TCF4: variants seen among roughly 807,000 people sequenced by gnomAD.
TCF4 encodes the protein SL3-3 enhancer factor 2.
Under a neutral mutation model 82.1 loss-of-function variants are expected in TCF4, and 3 were observed. The observed-to-expected ratio is 0.04, with a 90% CI of 0.02 to 0.09. The LOEUF (loss-of-function observed/expected upper bound fraction) is 0.09, where lower values mean the gene tolerates loss of function less well. Among genes scored for constraint, TCF4 ranks in the 10% least tolerant of loss-of-function variants. TCF4 has a pLI of 1.00. For synonymous variants in TCF4, 276 were observed against 309.6 expected, an observed-to-expected ratio of 0.89 and a Z score of 1.14; for missense variants, 518 against 852.7, an observed-to-expected ratio of 0.61 and a Z score of 4.89.
At chr18:55,378,080 T>TA (rs914473606) in intron 6 of TCF4, among the ~76,000 whole-genome samples, 7 of 151,866 alleles carry the variant, frequency 4.6e-5, no homozygotes, top group South Asian at 2.1e-4. Context: ...TTTGAAAACT[T>TA]AAAAAAAATA....
At chr18:55,356,373 G>A (rs2083520787) in intron 6 of TCF4, among the ~76,000 whole-genome samples, 1 of 152,268 alleles carries the variant, frequency 6.6e-6, no homozygotes, top group East Asian at 1.9e-4. Flanking sequence ...AACAAGAAAT[G>A]ACTAGGTTTT....
rs1401288930 is a variant in TCF4 at position 55,226,093 on chromosome 18, A to C, written c.*1942T>G. The C allele has an allele frequency of 6.6e-6, 1 of 152,616 alleles. No homozygotes were observed. Among genetic ancestry groups the C allele is most frequent in the Non-Finnish European group, 1.5e-5 (1 of 68,000 alleles). 9.5% of individuals were successfully genotyped at this position (152,616 alleles called of 1,614,324 possible). On this transcript the variant is annotated 3_prime_UTR_variant, in exon 20 of 20. Coordinates refer to ENST00000354452, the MANE Select transcript of TCF4 (RefSeq NM_001083962.2). ...ACAAGAGTCTACATGTAAAAATATA[A>C]CTTTTACATACACAATTTCAAAATA...
chr18:55,305,445 T>C (rs944152169), intron 8 of TCF4, among the ~76,000 whole-genome samples: 3 of 152,198 alleles, frequency 2.0e-5, no homozygotes, highest in Non-Finnish European at 4.4e-5. Context: ...GAAATCACTA[T>C]GAACTAAGCA....
At chr18:55,359,327 T>G (rs891839287) in intron 6 of TCF4, among the ~76,000 whole-genome samples, 6 of 152,230 alleles carry the variant, frequency 3.9e-5, no homozygotes. Flanking sequence ...CTTCTTTCAT[T>G]TCAGTCCTCT....
At chr18:55,489,067 C>T (rs919016563) in intron 3 of TCF4, among the ~76,000 whole-genome samples, 12 of 152,128 alleles carry the variant, frequency 7.9e-5, no homozygotes, top group African/African-American at 2.9e-4. Flanking sequence ...TCCAGGGCCA[C>T]CACTCCCAGT....
rs200889338 is a variant in TCF4 at position 55,350,907 on chromosome 18, G to T, written c.466C>A (p.Pro156Thr). Residue 156 changes from proline (P) to threonine (T), a missense_variant, in exon 7 of 20, where the codon CCC (proline) becomes ACC (threonine). This residue lies in a region of TCF4 where 211 missense variants were observed against 327.4 expected (regional missense o/e 0.64). Coordinates refer to ENST00000354452, the MANE Select transcript of TCF4 (RefSeq NM_001083962.2). ...CTACTGTGAAGAGGCCTCCTTCGGG[G>T]ATTATTGCTAGAATACTGATAGTAC... is the stretch of plus-strand genomic sequence containing the variant. The part of the protein sequence containing the change: ...SQYYQYSSNN[P>T]RRRPLHSSAM... The T allele has an allele frequency of 1.3e-5, 21 of 1,613,622 alleles. No homozygotes were observed. The highest frequency in any genetic ancestry group is 6.7e-5 in the Admixed American group (4 of 59,994).
chr18:55,485,546 T>G (rs1003642287), intron 3 of TCF4, among the ~76,000 whole-genome samples: 3 of 152,214 alleles, frequency 2.0e-5, no homozygotes, highest in Non-Finnish European at 4.4e-5. Flanking sequence ...GATCTGTGCA[T>G]GCATCTTTGC....
At chr18:55,479,599 A>G (rs1479382910) in intron 3 of TCF4, among the ~76,000 whole-genome samples, 3 of 152,086 alleles carry the variant, frequency 2.0e-5, no homozygotes. Context: ...TTCCCATGTA[A>G]TCGTCTATGC....
intron 5 of TCF4, among the ~76,000 whole-genome samples, chr18:55,421,063 C>T (rs1334633459): frequency 2.0e-5 from 3 of 150,040 alleles, no homozygotes; most frequent in Non-Finnish European, 4.4e-5. Flanking sequence ...TTTGCCCACA[C>T]AAAAAAAGAA....
At chr18:55,318,452 T>C (rs1297143719) in intron 8 of TCF4, among the ~76,000 whole-genome samples, 2 of 152,140 alleles carry the variant, frequency 1.3e-5, no homozygotes, top group Non-Finnish European at 2.9e-5. Context: ...TTAATTTTTT[T>C]TAAGCTTAGA....
chr18:55,494,975 A>G (rs1015828868), intron 3 of TCF4, among the ~76,000 whole-genome samples: 187 of 151,756 alleles, frequency 1.2e-3, no homozygotes, highest in African/African-American at 3.2e-3. Flanking sequence ...TAAAAAAAAA[A>G]AAAAAGAAAT....
chr18:55,339,043 T>C lies in TCF4; in HGVS notation c.549+11316A>G, dbSNP rs564327027. Among the ~76,000 whole-genome samples the C allele has an allele frequency of 5.9e-5, 9 of 152,300 alleles. No homozygotes were observed. The South Asian group carries it at 1.7e-3, about 28-fold the overall frequency. ...TTTACTGTCACAGGAAGCACATGTTTAAAGCAATCTGTTTCCTCATGTGAA... is the reference window on the plus strand; with the variant it reads ...TTTACTGTCACAGGAAGCACATGTTCAAAGCAATCTGTTTCCTCATGTGAA... On this transcript the variant is annotated intron_variant, in intron 8 of 19. Coordinates refer to ENST00000354452, the MANE Select transcript of TCF4 (RefSeq NM_001083962.2).
intron 9 of TCF4, 133 bp downstream of exon 9, chr18:55,279,418 T>C: frequency 2.2e-6 from 3 of 1,355,248 alleles, no homozygotes; most frequent in Non-Finnish European, 1.0e-6. Flanking sequence ...AGGAATTCAA[T>C]TCCTAAGAAG....
intron 8 of TCF4, among the ~76,000 whole-genome samples, chr18:55,303,837 C>T (rs1418350480): frequency 2.6e-5 from 4 of 152,160 alleles, no homozygotes; most frequent in Non-Finnish European, 5.9e-5. Context: ...AACACCATCA[C>T]TGATTTAAAA....
intron 2 of TCF4, among the ~76,000 whole-genome samples, chr18:55,594,503 G>A (rs1243157124): frequency 1.3e-5 from 2 of 152,158 alleles, no homozygotes; most frequent in East Asian, 3.9e-4. Flanking sequence ...GAATCTGTCT[G>A]TACCCTCAAG....
Position 55,225,117 on chromosome 18 carries a change from T to G in TCF4, c.*2918A>C, listed in dbSNP as rs1256019327. The G allele has an allele frequency of 6.6e-6, 1 of 152,218 alleles. No homozygotes were observed. Among genetic ancestry groups the G allele is most frequent in the African/African-American group, 2.4e-5 (1 of 41,446 alleles). The allele number at this position is 152,218 out of a possible 1,614,324, so 9.4% of individuals were successfully genotyped here. On this transcript the variant is annotated 3_prime_UTR_variant, in exon 20 of 20. Transcript: ENST00000354452. ...TAATGGGGATACAACCCAATTAATATGGATAGGTGCAGATTATGTTTCTCC... is the reference window on the plus strand; with the variant it reads ...TAATGGGGATACAACCCAATTAATAGGGATAGGTGCAGATTATGTTTCTCC...
chr18:55,478,012 G>C (rs1200404555), intron 3 of TCF4, among the ~76,000 whole-genome samples: 2 of 152,072 alleles, frequency 1.3e-5, no homozygotes, highest in African/African-American at 4.8e-5. Context: ...CTCTTCCTCA[G>C]GAATGGAAGA....
At chr18:55,358,061 G>T (rs1418268539) in intron 6 of TCF4, among the ~76,000 whole-genome samples, 2 of 152,218 alleles carry the variant, frequency 1.3e-5, no homozygotes, top group African/African-American at 4.8e-5. Context: ...TCCCTCCCAA[G>T]ATTCTTTCTT....
At chr18:55,596,987 T>G (rs765618523) in intron 2 of TCF4, among the ~76,000 whole-genome samples, 1 of 152,176 alleles carries the variant, frequency 6.6e-6, no homozygotes, top group Non-Finnish European at 1.5e-5. Flanking sequence ...CTTGCTGTTC[T>G]CATAATAGTG....
Sources: allele counts gnomAD v4.1 joint callset (sites outside exome capture counted in the v4.1 genomes callset), GRCh38; gene constraint gnomAD v4.1.1; regional missense constraint gnomAD v4.1.1; transcripts MANE v1.5; gene names NCBI Gene and HGNC (gene_info 2026-07-23, HGNC 2026-07-21).